PPP1R1C: variants seen among roughly 807,000 people sequenced by gnomAD.
The protein encoded by PPP1R1C is protein phosphatase 1 regulatory inhibitor subunit 1C.
PPP1R1C carries 15 observed loss-of-function variants against 17.4 expected under a neutral mutation model. The observed-to-expected ratio is 0.86, with a 90% CI of 0.58 to 1.33. PPP1R1C has a LOEUF of 1.33. Ranked by LOEUF, PPP1R1C falls within the 40% of genes most tolerant of loss-of-function variation. PPP1R1C has a pLI of 0.00. For synonymous variants in PPP1R1C, 35 were observed against 43.1 expected (o/e 0.81, Z 0.73); for missense variants, 143 against 130.0 (o/e 1.10, Z -0.48).
downstream of PPP1R1C, among the ~76,000 whole-genome samples, chr2:182,121,335 C>T (rs1271836601): frequency 6.8e-6 from 1 of 147,376 alleles, no homozygotes; most frequent in African/African-American, 2.5e-5. Flanking sequence ...AATACTTAGC[C>T]AAGCTTAGTG....
intron 4 of PPP1R1C, among the ~76,000 whole-genome samples, chr2:182,114,210 G>T (rs1689516632): frequency 6.6e-6 from 1 of 152,132 alleles, no homozygotes; most frequent in Non-Finnish European, 1.5e-5. Context: ...AGCCCTAGCT[G>T]AGTCTGCACT....
intron 2 of PPP1R1C, among the ~76,000 whole-genome samples, chr2:182,038,301 A>G (rs1317538037): frequency 6.6e-6 from 1 of 152,042 alleles, no homozygotes; most frequent in African/African-American, 2.4e-5. Context: ...GGCCTCCCAA[A>G]CTGCTGAGAT....
downstream of PPP1R1C, chr2:182,130,915 A>G (rs1181687938): frequency 6.6e-6 from 1 of 152,214 alleles, no homozygotes; most frequent in East Asian, 1.9e-4. Flanking sequence ...GGACTTGCCT[A>G]TGATAACAAG....
At chr2:182,058,012 A>G (rs1026158456) in intron 2 of PPP1R1C, among the ~76,000 whole-genome samples, 2 of 152,164 alleles carry the variant, frequency 1.3e-5, no homozygotes, top group African/African-American at 2.4e-5. Context: ...TTCTTCACAC[A>G]CAGTTTCCCT....
intron 2 of PPP1R1C, among the ~76,000 whole-genome samples, chr2:181,994,198 G>T (rs1279157400): frequency 6.6e-6 from 1 of 151,730 alleles, no homozygotes; most frequent in Admixed American, 6.6e-5. Flanking sequence ...TGATGCTTAG[G>T]TTTTTCATAA....
chr2:182,073,061 G>A (rs948183419), intron 4 of PPP1R1C, among the ~76,000 whole-genome samples: 2 of 151,878 alleles, frequency 1.3e-5, no homozygotes, highest in Non-Finnish European at 2.9e-5. Context: ...GCTGCATTCA[G>A]TTCTTTGAAA....
intron 2 of PPP1R1C, among the ~76,000 whole-genome samples, chr2:182,024,144 C>T (rs1234099435): frequency 6.6e-6 from 1 of 152,092 alleles, no homozygotes; most frequent in African/African-American, 2.4e-5. Context: ...AAACAGTTTT[C>T]TATGAGGCTT....
chr2:182,114,456 G>T (rs1689523948), intron 4 of PPP1R1C, among the ~76,000 whole-genome samples: 2 of 152,180 alleles, frequency 1.3e-5, no homozygotes, highest in South Asian at 4.1e-4. Context: ...GGATGCAGGA[G>T]AGGTGTAGGG....
rs112637702 is a variant in PPP1R1C, at chr2:181,968,372, A to G, written n.112-6847A>G. The stretch of plus-strand genomic sequence containing the variant: ...TAATATTTGCTTTACATATCTGGAT[A>G]CTCCAGGGTTGGGTTTATACGTTTA... On this transcript the variant is annotated intron_variant and non_coding_transcript_variant, in intron 1 of 5. Coordinates refer to the PPP1R1C transcript ENST00000464264. Among the ~76,000 whole-genome samples the G allele has an allele frequency of 5.1e-3, 775 of 152,242 alleles. 10 individuals carry two copies. Among genetic ancestry groups the G allele is most frequent in the African/African-American group, 0.017 (726 of 41,524 alleles).
At chr2:182,080,549 A>G (rs1479507994) in intron 4 of PPP1R1C, among the ~76,000 whole-genome samples, 1 of 152,222 alleles carries the variant, frequency 6.6e-6, no homozygotes, top group Non-Finnish European at 1.5e-5. Context: ...AACACAATAC[A>G]TCACGTAATA....
At chr2:182,089,107 G>C (rs1412167503) in intron 4 of PPP1R1C, among the ~76,000 whole-genome samples, 1 of 152,104 alleles carries the variant, frequency 6.6e-6, no homozygotes, top group African/African-American at 2.4e-5. Flanking sequence ...ACTGAATCCT[G>C]TGATTACAGT....
intron 2 of PPP1R1C, among the ~76,000 whole-genome samples, chr2:181,988,630 C>A (rs1453103759): frequency 6.6e-6 from 1 of 152,110 alleles, no homozygotes; most frequent in Admixed American, 6.5e-5. Flanking sequence ...TGCAACCAGG[C>A]AGAACTTGGT....
rs527307092 is a variant in PPP1R1C at position 181,976,934 on chromosome 2, T to C, written n.157+1670T>C. Among the ~76,000 whole-genome samples, 1 of 151,698 alleles carries C rather than the reference T, an allele frequency of 6.6e-6. No individual in the cohort carries two copies. The highest frequency in any genetic ancestry group is 1.9e-4 in the East Asian group (1 of 5,148). On this transcript the variant is annotated intron_variant and non_coding_transcript_variant, in intron 2 of 5. Coordinates refer to the PPP1R1C transcript ENST00000464264. This position sits in a 1 kb window ranked among gnomAD's most constrained non-coding sequence, Gnocchi z 4.8. Reference sequence around the variant, plus strand: ...AGGTGGATCACTTGAGGCCAGGAGTTCAAGACCAGCCTGGGCAACATAGCG... The same window carrying C: ...AGGTGGATCACTTGAGGCCAGGAGTCCAAGACCAGCCTGGGCAACATAGCG...
At chr2:181,978,242 T>C (rs1685131814) in intron 2 of PPP1R1C, among the ~76,000 whole-genome samples, 1 of 152,206 alleles carries the variant, frequency 6.6e-6, no homozygotes, top group Non-Finnish European at 1.5e-5. Flanking sequence ...ATGGGGATTA[T>C]CACAATTCAG....
At chr2:181,979,372 A>G (rs1253824942) in intron 2 of PPP1R1C, among the ~76,000 whole-genome samples, 1 of 152,160 alleles carries the variant, frequency 6.6e-6, no homozygotes, top group Admixed American at 6.5e-5. Context: ...TTTCACTGCT[A>G]TTACTTTATT....
upstream of PPP1R1C, among the ~76,000 whole-genome samples, chr2:181,983,093 C>A (rs1685222661): frequency 6.6e-6 from 1 of 152,086 alleles, no homozygotes; most frequent in Non-Finnish European, 1.5e-5. Flanking sequence ...CATTCATATA[C>A]CACGTCATCT....
intron 1 of PPP1R1C, among the ~76,000 whole-genome samples, chr2:181,972,999 C>T (rs112588489): frequency 5.3e-5 from 8 of 152,188 alleles, no homozygotes; most frequent in African/African-American, 1.2e-4. Context: ...TCATATGTTA[C>T]GCTTTTTAAA....
intron 2 of PPP1R1C, among the ~76,000 whole-genome samples, chr2:181,993,691 T>G (rs1685531640): frequency 6.6e-6 from 1 of 152,186 alleles, no homozygotes; most frequent in African/African-American, 2.4e-5. Flanking sequence ...GCTGAATGAT[T>G]TTTTAAAAAG....
intron 2 of PPP1R1C, among the ~76,000 whole-genome samples, chr2:181,997,159 G>A (rs1228035137): frequency 6.6e-6 from 1 of 151,760 alleles, no homozygotes; most frequent in Non-Finnish European, 1.5e-5. Context: ...AACCCGGGAG[G>A]CGGAGCTTGC....
Sources: gnomAD v4.1 joint callset for allele counts (sites outside exome capture counted in the v4.1 genomes callset) on GRCh38, gnomAD v4.1.1 for gene constraint, Gnocchi (gnomAD v3.1) non-coding constraint, MANE v1.5 for transcripts, NCBI Gene and HGNC (gene_info 2026-07-23, HGNC 2026-07-21) for gene names.